The following MYLK4 variants were observed in gnomAD, a reference collection of about 807,000 sequenced individuals.
The protein encoded by MYLK4 is myosin light chain kinase family member 4, also known as caMLCK like.
In MYLK4, 46 loss-of-function variants were observed where a neutral mutation model predicts 48.1. The observed-to-expected ratio is 0.96, with a 90% CI of 0.75 to 1.22. The LOEUF is 1.22. Ranked by LOEUF, MYLK4 falls within the 50% of genes most tolerant of loss-of-function variation. MYLK4 has a pLI of 0.00. For missense variants in MYLK4, 451 were observed against 486.1 expected, an observed-to-expected ratio of 0.93 and a Z score of 0.68; for synonymous variants, 170 against 180.8, an observed-to-expected ratio of 0.94 and a Z score of 0.48.
At chr6:2,678,183 C>T in intron 10 of MYLK4, 37 bp downstream of exon 10, 2 of 1,604,694 alleles carry the variant, frequency 1.2e-6, no homozygotes. Context: ...CCTTATCATC[C>T]CTACTGCGCC....
At chr6:2,765,854 TC>T in the MYLK4 span, 1 of 1,422,202 alleles carries the variant, frequency 7.0e-7, no homozygotes, top group Non-Finnish European at 9.2e-7. Flanking sequence ...GTCGGAGAGC[TC>T]GGCGCTGAAG....
At chr6:2,745,092 C>T (rs1764032514) in intron 2 of MYLK4, among the ~76,000 whole-genome samples, 1 of 152,096 alleles carries the variant, frequency 6.6e-6, no homozygotes, top group Non-Finnish European at 1.5e-5. Context: ...CCCCGGGCCT[C>T]AGGAGCAGGG....
At chr6:2,765,953 T>G in the MYLK4 span, 10 of 1,432,596 alleles carry the variant, frequency 7.0e-6, no homozygotes, top group Non-Finnish European at 9.2e-6. Context: ...CCGCGAGAGC[T>G]ACGACGCGCC....
the MYLK4 span, chr6:2,768,958 C>A: frequency 1.5e-5 from 21 of 1,416,004 alleles, no homozygotes; most frequent in South Asian, 2.7e-4. Context: ...ACTATACAAA[C>A]GCTAGAGACT....
chr6:2,683,391 TTGTGTGTGTGTGTGTGTGTGTGTGTG>T (rs67359849), intron 6 of MYLK4, among the ~76,000 whole-genome samples: 1 of 126,584 alleles, frequency 7.9e-6, no homozygotes, highest in Non-Finnish European at 1.7e-5. Context: ...CCCCACCTTT[TTGTGTGTGTGTGTGTGTGTGTGTGTG>T]TGTGTGTGTG....
At chr6:2,749,078 T>C in intron 2 of MYLK4, 58 bp downstream of exon 2, 2 of 1,512,696 alleles carry the variant, frequency 1.3e-6, no homozygotes, top group Non-Finnish European at 1.8e-6. Context: ...CTCCATGACA[T>C]TAGAAAAGAT....
intron 2 of MYLK4, among the ~76,000 whole-genome samples, chr6:2,730,690 G>GT (rs570548989): frequency 2.4e-3 from 356 of 150,176 alleles, no homozygotes; most frequent in African/African-American, 8.2e-3. Context: ...CTCATACCCT[G>GT]TTTTTTTTTC....
At chr6:2,674,902 A>G in intron 11 of MYLK4, 145 bp downstream of exon 11, 1 of 698,794 alleles carries the variant, frequency 1.4e-6, no homozygotes, top group Non-Finnish European at 2.4e-6. Context: ...AAGCATTTTA[A>G]GTAATTTAAT....
chr6:2,684,994 A>C (rs1761471266), intron 6 of MYLK4, among the ~76,000 whole-genome samples: 1 of 152,116 alleles, frequency 6.6e-6, no homozygotes, highest in South Asian at 2.1e-4. Context: ...GATGTAGCTC[A>C]AAAACCACTT....
upstream of MYLK4, among the ~76,000 whole-genome samples, chr6:2,751,298 CT>C (rs1764282347): frequency 6.6e-6 from 1 of 152,194 alleles, no homozygotes; most frequent in African/African-American, 2.4e-5. Context: ...CCATCTTACG[CT>C]TTGAGCATAT....
Position 2,732,373 on chromosome 6 carries a change from C to G in MYLK4, c.159+16763G>C, listed in dbSNP as rs111404406. ...GCAAGCTGCAGAGATTTACATAGGTCCAACAGCTCATCGTGATGGGCACTG... is the reference window on the plus strand; with the variant it reads ...GCAAGCTGCAGAGATTTACATAGGTGCAACAGCTCATCGTGATGGGCACTG... On this transcript the variant is annotated intron_variant, in intron 2 of 12. Coordinates refer to ENST00000274643, the MANE Select transcript of MYLK4 (RefSeq NM_001012418.5). Among the ~76,000 whole-genome samples, 675 of 152,264 alleles carry G rather than the reference C, an allele frequency of 4.4e-3. 8 individuals carry two copies. The highest frequency in any genetic ancestry group is 0.016 in the African/African-American group (650 of 41,534).
intron 2 of MYLK4, among the ~76,000 whole-genome samples, chr6:2,718,204 A>G (rs34081642): frequency 0.16 from 24,083 of 150,740 alleles, 2,032 homozygotes; most frequent in Middle Eastern, 0.23. Flanking sequence ...AAAAAAAAGA[A>G]AAAGAGAAAG....
At chr6:2,698,555 G>T (rs1283499215) in intron 2 of MYLK4, among the ~76,000 whole-genome samples, 1 of 152,106 alleles carries the variant, frequency 6.6e-6, no homozygotes, top group Non-Finnish European at 1.5e-5. Context: ...ATGCCAAGAT[G>T]AACAATTTTT....
chr6:2,672,078 T>G lies in MYLK4; in HGVS notation c.1120-730A>C, dbSNP rs1430665767. On this transcript the variant is annotated intron_variant, in intron 11 of 12. Coordinates refer to ENST00000274643, the MANE Select transcript of MYLK4 (RefSeq NM_001012418.5). The surrounding 1 kb of genome is among the most constrained non-coding windows in gnomAD (Gnocchi z 4.3). ...TGAGTAGAGGTTGGATATCAGCTCA[T>G]GGGTTGTTTTATTAGTTCACTGAGA... 1.3e-5 allele frequency among the ~76,000 whole-genome samples: 2 copies of G among 152,170 alleles called. No homozygotes were observed. The highest frequency in any genetic ancestry group is 2.9e-5 in the Non-Finnish European group (2 of 68,014).
chr6:2,685,625 C>A lies in MYLK4; in HGVS notation c.342-49G>T. ...AGCATGAGGCCCTGTGGTCAGCTGC[C>A]GAGTGGACAGCGCACAGTGGCCCCA... On this transcript the variant is annotated intron_variant, in intron 4 of 12. Coordinates refer to ENST00000274643, the MANE Select transcript of MYLK4 (RefSeq NM_001012418.5). This position sits in a 1 kb window ranked among gnomAD's most constrained non-coding sequence, Gnocchi z 4.5. 6.4e-7 allele frequency: 1 copy of A among 1,562,616 alleles called. No individual in the cohort carries two copies. The highest frequency in any genetic ancestry group is 1.1e-5 in the South Asian group (1 of 89,578).
At chr6:2,702,381 A>G (rs1335363197) in intron 2 of MYLK4, among the ~76,000 whole-genome samples, 1 of 152,220 alleles carries the variant, frequency 6.6e-6, no homozygotes, top group African/African-American at 2.4e-5. Flanking sequence ...TAGAATTAAT[A>G]CAAGTGCTGT....
At chr6:2,764,031 C>CT in the MYLK4 span, among the ~76,000 whole-genome samples, 1 of 152,146 alleles carries the variant, frequency 6.6e-6, no homozygotes, top group Non-Finnish European at 1.5e-5. Context: ...ACTCGAGAGG[C>CT]TGAGACAGCA....
chr6:2,754,499 G>C (rs1764376073), upstream of MYLK4, among the ~76,000 whole-genome samples: 1 of 152,170 alleles, frequency 6.6e-6, no homozygotes, highest in African/African-American at 2.4e-5. Flanking sequence ...GTAGAAAGCA[G>C]ACTGGTGGTT....
At chr6:2,668,669 G>A (rs2113071317) in intron 12 of MYLK4, among the ~76,000 whole-genome samples, 1 of 152,302 alleles carries the variant, frequency 6.6e-6, no homozygotes, top group African/African-American at 2.4e-5. Flanking sequence ...CATCCTGGCA[G>A]GGAATATTAT....
Sources: gnomAD v4.1 joint callset for allele counts (sites outside exome capture counted in the v4.1 genomes callset) on GRCh38, gnomAD v4.1.1 for gene constraint, Gnocchi (gnomAD v3.1) non-coding constraint, MANE v1.5 for transcripts, NCBI Gene and HGNC (gene_info 2026-07-23, HGNC 2026-07-21) for gene names.